ZFYVE9: variants seen among roughly 807,000 people sequenced by gnomAD.
ZFYVE9 encodes the protein zinc finger FYVE-type containing 9.
ZFYVE9 carries 43 observed loss-of-function variants against 126.7 expected under a neutral mutation model. That is an observed-to-expected ratio of 0.34 (90% CI 0.27 to 0.44). The LOEUF (loss-of-function observed/expected upper bound fraction) is 0.44, where lower values mean the gene tolerates loss of function less well. Among genes scored for constraint, ZFYVE9 ranks in the 20% least tolerant of loss-of-function variants. The probability of loss-of-function intolerance (pLI) is 1.00; values close to 1 mark genes in which losing one functional copy is unlikely to be tolerated. For synonymous variants in ZFYVE9, 521 were observed against 597.4 expected (o/e 0.87, Z 1.87); for missense variants, 1,476 against 1,697.0 (o/e 0.87, Z 2.29).
At chr1:52,250,752 C>T (rs572700621) in intron 4 of ZFYVE9, among the ~76,000 whole-genome samples, 4 of 151,914 alleles carry the variant, frequency 2.6e-5, no homozygotes, top group Admixed American at 2.0e-4. Flanking sequence ...TTCTGTCACC[C>T]AGGCTTGAGT....
At chr1:52,162,637 T>G (rs1644473011) in intron 1 of ZFYVE9, 1 of 273,202 alleles carries the variant, frequency 3.7e-6, no homozygotes, top group African/African-American at 2.3e-5. Context: ...CTGTCTGTTG[T>G]GTACAAACTA....
intron 13 of ZFYVE9, among the ~76,000 whole-genome samples, chr1:52,322,496 G>A (rs1014827028): frequency 6.7e-6 from 1 of 149,574 alleles, no homozygotes; most frequent in Non-Finnish European, 1.5e-5. Flanking sequence ...TTCTTCCTCA[G>A]CCTCCCGAGT....
At chr1:52,151,122 A>G (rs940019627) in intron 1 of ZFYVE9, among the ~76,000 whole-genome samples, 7 of 151,914 alleles carry the variant, frequency 4.6e-5, no homozygotes, top group Non-Finnish European at 8.8e-5. Context: ...TACAGCCTTC[A>G]TGATTTGGTT....
intron 1 of ZFYVE9, among the ~76,000 whole-genome samples, chr1:52,145,264 G>A (rs1016667886): frequency 6.6e-6 from 1 of 152,190 alleles, no homozygotes; most frequent in African/African-American, 2.4e-5. Context: ...GAAAGGTAGA[G>A]TGAGTAGAGA....
intron 1 of ZFYVE9, among the ~76,000 whole-genome samples, chr1:52,176,838 C>T (rs563718370): frequency 7.2e-5 from 11 of 152,294 alleles, no homozygotes; most frequent in South Asian, 4.2e-4. Flanking sequence ...TTCCTAAGCC[C>T]GTCAGAAAAG....
intron 10 of ZFYVE9, among the ~76,000 whole-genome samples, chr1:52,287,968 A>G (rs772509584): frequency 1.3e-5 from 2 of 152,212 alleles, no homozygotes; most frequent in Admixed American, 6.5e-5. Flanking sequence ...TAGTTTTGCA[A>G]AGTAACTTTT....
chr1:52,255,577 C>T (rs1472521608), intron 4 of ZFYVE9, among the ~76,000 whole-genome samples: 6 of 145,830 alleles, frequency 4.1e-5, no homozygotes, highest in Non-Finnish European at 9.0e-5. Flanking sequence ...AAGAGCAAAA[C>T]CATCTCAAAA....
At chr1:52,286,652 A>C (rs1415644346) in intron 10 of ZFYVE9, among the ~76,000 whole-genome samples, 2 of 152,206 alleles carry the variant, frequency 1.3e-5, no homozygotes, top group African/African-American at 4.8e-5. Context: ...TCTATTCAGA[A>C]CATAGACTTG....
chr1:52,318,366 TTGTATGTGTGTGTGTGTGTG>T (rs887959988), intron 13 of ZFYVE9, among the ~76,000 whole-genome samples: 1 of 83,914 alleles, frequency 1.2e-5, no homozygotes, highest in African/African-American at 4.2e-5. Flanking sequence ...GAGAGCATGA[TTGTATGTGTGTGTGTGTGTG>T]TGTGTGTGTG....
intron 2 of ZFYVE9, among the ~76,000 whole-genome samples, chr1:52,218,479 TAGTG>T (rs1273580610): frequency 4.0e-5 from 6 of 151,778 alleles, no homozygotes; most frequent in African/African-American, 4.8e-5. Context: ...TTGGGGAAAA[TAGTG>T]AGTGAGTGGC....
chr1:52,238,964 A>T lies in ZFYVE9; in HGVS notation c.1547A>T (p.Tyr516Phe). 2 of 1,614,122 alleles carry T rather than the reference A, an allele frequency of 1.2e-6. No individual in the cohort carries two copies. Among genetic ancestry groups the T allele is most frequent in the South Asian group, 1.1e-5 (1 of 91,084 alleles). Reference protein sequence around the residue: ...KEIEESKSECYSNIYEQRGNE... With the variant: ...KEIEESKSECFSNIYEQRGNE... Reference sequence around the variant, plus strand: ...ATAGAGGAAAGCAAGTCAGAATGCTACTCAAATATTTATGAACAGAGAGGA... The same window carrying T: ...ATAGAGGAAAGCAAGTCAGAATGCTTCTCAAATATTTATGAACAGAGAGGA... The change falls in exon 4 of 19, where the codon TAC becomes TTC. Residue 516 changes from tyrosine (Y) to phenylalanine (F), a missense_variant. Transcript: ENST00000287727.
rs147751534 is a variant in ZFYVE9, at chr1:52,315,544, CAT to C, written c.3438+11620_3438+11621del. On this transcript the variant is annotated intron_variant, in intron 13 of 18. Coordinates refer to ENST00000287727, the MANE Select transcript of ZFYVE9 (RefSeq NM_004799.4). ...GGGAAGAGGATATGGAAGTATATGACATGTGATGTGGTATAATTTTACTTAAA... is the reference window on the plus strand; with the variant it reads ...GGGAAGAGGATATGGAAGTATATGACGTGATGTGGTATAATTTTACTTAAA... 9.2e-3 allele frequency among the ~76,000 whole-genome samples: 1,407 copies of C among 152,146 alleles called. 64 individuals carry two copies. The East Asian group carries it at 0.12, about 13-fold the overall frequency.
Position 52,238,944 on chromosome 1 carries a change from G to A in ZFYVE9, c.1527G>A (p.Glu509=), listed in dbSNP as rs754632802. Reference sequence around the variant, plus strand: ...CAGTAACAGAAGAAAAAGAAATAGAGGAAAGCAAGTCAGAATGCTACTCAA... The same window carrying A: ...CAGTAACAGAAGAAAAAGAAATAGAAGAAAGCAAGTCAGAATGCTACTCAA... The part of the protein sequence containing the change: ...EDSVTEEKEI[E]ESKSECYSNI... Residue 509 remains glutamate, a synonymous_variant, in exon 4 of 19, where the codon GAG becomes GAA. Transcript: ENST00000287727. 59 of 1,613,890 alleles carry A rather than the reference G, an allele frequency of 3.7e-5. No homozygotes were observed. The highest frequency in any genetic ancestry group is 4.9e-5 in the Non-Finnish European group (58 of 1,180,000).
rs527333787 is a variant in ZFYVE9, at chr1:52,338,560, C to G, written c.3833+626C>G. On this transcript the variant is annotated intron_variant, in intron 16 of 18. Coordinates refer to ENST00000287727, the MANE Select transcript of ZFYVE9 (RefSeq NM_004799.4). ...TACATTACAAACTGAACTTTGTATC[C>G]TTTCTCAAAGGATTCTACACAACAA... is the stretch of plus-strand genomic sequence containing the variant. 2.0e-4 allele frequency among the ~76,000 whole-genome samples: 30 copies of G among 152,280 alleles called. No individual in the cohort carries two copies. The South Asian group carries it at 5.8e-3, about 29-fold the overall frequency.
intron 12 of ZFYVE9, among the ~76,000 whole-genome samples, chr1:52,303,000 C>T (rs1300417496): frequency 6.6e-6 from 1 of 152,058 alleles, no homozygotes; most frequent in East Asian, 1.9e-4. Context: ...ATCCCAGCTA[C>T]TTGGGAAGCT....
intron 2 of ZFYVE9, among the ~76,000 whole-genome samples, chr1:52,221,105 A>G (rs1645120867): frequency 6.6e-6 from 1 of 152,232 alleles, no homozygotes; most frequent in Non-Finnish European, 1.5e-5. Flanking sequence ...GTCAGTGTAA[A>G]TAGTTCCTTC....
Position 52,281,752 on chromosome 1 carries a change from T to G in ZFYVE9, c.2961T>G (p.Asp987Glu). 1 of 1,614,240 alleles carries G rather than the reference T, an allele frequency of 6.2e-7. No individual in the cohort carries two copies. Among genetic ancestry groups the G allele is most frequent in the Non-Finnish European group, 8.5e-7 (1 of 1,180,038 alleles). The change falls in exon 10 of 19, where the codon GAT (aspartate) becomes GAG (glutamate). Residue 987 changes from aspartate to glutamate, a missense_variant. Around this residue, in one of 2 missense-constraint regions of ZFYVE9, gnomAD observed 669 missense variants for 902.4 expected, o/e 0.74. Coordinates refer to ENST00000287727, the MANE Select transcript of ZFYVE9 (RefSeq NM_004799.4). ...EIVILLQCLP[D>E]EKCLPKDIFN... ...TCATTCTTCTACAGTGTTTACCGGATGAAAAGTGTTTGCCAAAGGATATCT... is the reference window on the plus strand; with the variant it reads ...TCATTCTTCTACAGTGTTTACCGGAGGAAAAGTGTTTGCCAAAGGATATCT...
chr1:52,239,629 TG>T, intron 4 of ZFYVE9, 34 bp downstream of exon 4: 1 of 1,580,050 alleles, frequency 6.3e-7, no homozygotes, highest in Non-Finnish European at 8.6e-7. Flanking sequence ...AAATCGGGCA[TG>T]CACATTTTGT....
In ZFYVE9 at chr1:52,274,486, G is replaced by A. The variant is rs1645725482; in HGVS notation, c.2648G>A (p.Gly883Glu). 1.2e-6 allele frequency: 2 copies of A among 1,609,944 alleles called. No homozygotes were observed. The highest frequency in any genetic ancestry group is 1.3e-5 in the African/African-American group (1 of 74,884). ...PAETDICLFSGSITQVGSPVG... is the reference protein window; with the variant it reads ...PAETDICLFSESITQVGSPVG... ...TAGACGGATATTTGTCTATTCTCTG[G>A]GAGTATAACTCAGGTTGGAAGTCCT... The change falls in exon 8 of 19, where the codon GGG (glycine) becomes GAG (glutamate). Residue 883 changes from glycine (G) to glutamate (E), a missense_variant. Around this residue, in one of 2 missense-constraint regions of ZFYVE9, gnomAD observed 669 missense variants for 902.4 expected, o/e 0.74. Transcript: ENST00000287727.
Sources: gnomAD v4.1 joint callset for allele counts (sites outside exome capture counted in the v4.1 genomes callset) on GRCh38, gnomAD v4.1.1 for gene constraint, gnomAD v4.1.1 regional missense constraint, MANE v1.5 for transcripts, NCBI Gene and HGNC (gene_info 2026-07-23, HGNC 2026-07-21) for gene names.